The following GSTA4 variants were observed in gnomAD, a reference collection of about 807,000 sequenced individuals.
GSTA4 encodes the protein glutathione S-transferase alpha 4.
GSTA4 carries 15 observed loss-of-function variants against 24.4 expected under a neutral mutation model. The observed-to-expected ratio is 0.61, with a 90% CI of 0.41 to 0.95. The LOEUF is 0.95. Ranked by LOEUF, GSTA4 falls within the 40% of genes least tolerant of loss-of-function variation. The pLI, the probability that GSTA4 is intolerant of heterozygous loss-of-function variation, is 0.00. For missense variants in GSTA4, 244 were observed against 262.1 expected (o/e 0.93, Z 0.48); for synonymous variants, 92 against 94.2 (o/e 0.98, Z 0.13).
intron 3 of GSTA4, among the ~76,000 whole-genome samples, chr6:52,986,007 C>T (rs316127): frequency 0.057 from 8,636 of 151,918 alleles, 267 homozygotes; most frequent in Non-Finnish European, 0.068. Flanking sequence ...GCCAAGATCG[C>T]GCCATTGCAC....
chr6:52,980,124 C>T (rs1040696586), intron 6 of GSTA4, among the ~76,000 whole-genome samples: 1 of 152,144 alleles, frequency 6.6e-6, no homozygotes, highest in African/African-American at 2.4e-5. Context: ...ATTATAGTAT[C>T]ATCAATGTAA....
intron 2 of GSTA4, among the ~76,000 whole-genome samples, chr6:52,990,752 G>C (rs543338325): frequency 1.2e-4 from 18 of 152,156 alleles, no homozygotes; most frequent in Non-Finnish European, 2.1e-4. Flanking sequence ...TACAAACTCA[G>C]AAGCCTATGG....
chr6:52,985,453 G>C lies in GSTA4; in HGVS notation c.270C>G (p.Thr90=). The change falls in exon 4 of 7, where the codon ACC becomes ACG. Residue 90 remains threonine (T), a splice_region_variant and synonymous_variant. Transcript: ENST00000370963. Reference sequence around the variant, plus strand: ...ACACTCGAGAGGGGCCACAGTACAGGGTTCTCTCCTTGAGGTTCTTGCCAA... The same window carrying C: ...ACACTCGAGAGGGGCCACAGTACAGCGTTCTCTCCTTGAGGTTCTTGCCAA... ...NLFGKNLKER[T]LIDMYVEGTL... The C allele has an allele frequency of 6.2e-7, 1 of 1,613,934 alleles. No homozygotes were observed. The highest frequency in any genetic ancestry group is 8.5e-7 in the Non-Finnish European group (1 of 1,179,852).
rs1199060250 is a variant in GSTA4 at position 52,985,580 on chromosome 6, T to C, written c.143A>G (p.Asn48Ser). 1.2e-6 allele frequency: 2 copies of C among 1,613,980 alleles called. No individual in the cohort carries two copies. Among genetic ancestry groups the C allele is most frequent in the African/African-American group, 1.3e-5 (1 of 75,048 alleles). ...GGGCACTTGTTGGAACAGCAGGTGG[T>C]TACCTGAGAATGGAAGCCCAGAGTT... ...KEQLYKLQDG[N>S]HLLFQQVPMV... Residue 48 changes from asparagine (N) to serine (S), a missense_variant, in exon 4 of 7, where the codon AAC becomes AGC. Coordinates refer to ENST00000370963, the MANE Select transcript of GSTA4 (RefSeq NM_001512.4).
intron 5 of GSTA4, 25 bp downstream of exon 5, chr6:52,984,435 CTGTG>C (rs748297843): frequency 2.5e-6 from 4 of 1,589,464 alleles, no homozygotes; most frequent in Middle Eastern, 3.3e-4. Context: ...TTTGGTTGCT[CTGTG>C]TATGTAGGCA....
intron 5 of GSTA4, 113 bp from the exon 6 acceptor site, chr6:52,982,818 G>A: frequency 2.5e-6 from 2 of 790,360 alleles, no homozygotes; most frequent in Non-Finnish European, 4.2e-6. Flanking sequence ...GTCATTTCAT[G>A]CTTTCATAAA....
Position 52,987,378 on chromosome 6 carries a change from GTTCTT to G in GSTA4, c.113_117del (p.Lys38ThrfsTer9). The G allele has an allele frequency of 6.3e-7, 1 of 1,588,756 alleles. No homozygotes were observed. The highest frequency in any genetic ancestry group is 8.6e-7 in the Non-Finnish European group (1 of 1,158,446). On this transcript the variant is annotated frameshift_variant, in exon 3 of 7. Coordinates refer to ENST00000370963, the MANE Select transcript of GSTA4 (RefSeq NM_001512.4). LOFTEE classifies it high-confidence loss of function. ...TCACCATCCTGCAACTTGTACAACT[GTTCTT>G]TTGTTTCCAGAAATTCTTCATCAAA...
At chr6:52,994,108 G>A in intron 2 of GSTA4, 49 bp downstream of exon 2, 2 of 1,207,856 alleles carry the variant, frequency 1.7e-6, no homozygotes, top group Non-Finnish European at 2.5e-6. Flanking sequence ...TCTTTCAAAG[G>A]TCTCAAAAGC....
Position 52,987,920 on chromosome 6 carries a change from T to C in GSTA4, c.88-512A>G, listed in dbSNP as rs1488269647. The C allele has an allele frequency of 2.0e-5, 3 of 152,534 alleles. No homozygotes were observed. The East Asian group carries it at 5.8e-4, about 29-fold the overall frequency. The allele number at this position is 152,534 out of a possible 1,614,324, so 9.4% of individuals were successfully genotyped here. On this transcript the variant is annotated intron_variant, in intron 2 of 6. Transcript: ENST00000370963. ...ATGTATTCCCCAAATATGTACATTA[T>C]GCATCAATTTTTTAAAAAGATATCC...
At chr6:52,988,087 G>A (rs893641573) in intron 2 of GSTA4, 16 of 152,272 alleles carry the variant, frequency 1.1e-4, no homozygotes, top group African/African-American at 3.9e-4. Flanking sequence ...AAAGGAACTA[G>A]GGGTCCTATA....
chr6:52,979,797 T>C (rs1763414889), intron 6 of GSTA4, among the ~76,000 whole-genome samples: 1 of 152,208 alleles, frequency 6.6e-6, no homozygotes, highest in South Asian at 2.1e-4. Context: ...TGCCAATTAA[T>C]TATATATAAA....
At chr6:52,990,476 T>G (rs2127387505) in intron 2 of GSTA4, among the ~76,000 whole-genome samples, 1 of 152,308 alleles carries the variant, frequency 6.6e-6, no homozygotes, top group South Asian at 2.1e-4. Flanking sequence ...CAATCTAGCT[T>G]CATCCAGTCT....
At chr6:52,993,976 C>A (rs45571441) in intron 2 of GSTA4, 181 bp downstream of exon 2, 1 of 688,574 alleles carries the variant, frequency 1.5e-6, no homozygotes, top group Non-Finnish European at 2.7e-6. Flanking sequence ...AAATAGAATT[C>A]CATCAACTAC....
intron 2 of GSTA4, among the ~76,000 whole-genome samples, chr6:52,988,504 C>T (rs1763605474): frequency 6.6e-6 from 1 of 152,130 alleles, no homozygotes; most frequent in Non-Finnish European, 1.5e-5. Context: ...ACAGTCACAC[C>T]TGCTAAAACA....
At chr6:52,979,242 C>T (rs9370170) in intron 6 of GSTA4, among the ~76,000 whole-genome samples, 2 of 152,046 alleles carry the variant, frequency 1.3e-5, no homozygotes, top group Non-Finnish European at 2.9e-5. Flanking sequence ...CTGTAAACAC[C>T]ACTCGGACTA....
chr6:52,992,827 G>A (rs1247746487), intron 2 of GSTA4, among the ~76,000 whole-genome samples: 7 of 152,286 alleles, frequency 4.6e-5, no homozygotes, highest in African/African-American at 1.7e-4. Context: ...AGGGCCGGGC[G>A]TGGTGGTTCA....
chr6:52,987,635 TG>T, intron 2 of GSTA4: 1 of 466,950 alleles, frequency 2.1e-6, no homozygotes, highest in Non-Finnish European at 3.8e-6. Flanking sequence ...TACTAGAGGC[TG>T]GGAAGTGTAG....
rs3831189 is a variant in GSTA4, at chr6:52,982,475, T to TACAC, written c.546+95_546+98dup. 3,565 of 575,398 alleles carry TACAC rather than the reference T, an allele frequency of 6.2e-3. 18 individuals are homozygous for TACAC. Among genetic ancestry groups the TACAC allele is most frequent in the East Asian group, 9.2e-3 (254 of 27,684 alleles). 35.6% of individuals were successfully genotyped at this position (575,398 alleles called of 1,614,324 possible). ...ACTAGAATCTTAAAAATATTACACA[T>TACAC]ACACACACACACACACTCCCCAAAG... On this transcript the variant is annotated intron_variant, in intron 6 of 6. Transcript: ENST00000370963.
intron 3 of GSTA4, 105 bp downstream of exon 3, chr6:52,987,252 T>C (rs1763579020): frequency 2.8e-6 from 2 of 721,716 alleles, no homozygotes; most frequent in Non-Finnish European, 4.8e-6. Context: ...TTTAGGATAC[T>C]GTTCTGAATG....
Sources: gnomAD v4.1 joint callset for allele counts (sites outside exome capture counted in the v4.1 genomes callset) on GRCh38, gnomAD v4.1.1 for gene constraint, MANE v1.5 for transcripts, NCBI Gene and HGNC (gene_info 2026-07-23, HGNC 2026-07-21) for gene names.